CCDC40: variants seen among roughly 807,000 people sequenced by gnomAD.
CCDC40 encodes the protein coiled-coil domain 40 molecular ruler complex subunit, also known as coiled-coil domain-containing protein 40.
CCDC40 carries 104 observed loss-of-function variants against 124.5 expected under a neutral mutation model. The ratio of observed to expected loss-of-function variants is 0.84; its 90% CI spans 0.71 to 0.98. CCDC40 has a LOEUF of 0.98. Among genes scored for constraint, CCDC40 ranks in the 50% least tolerant of loss-of-function variants. The pLI, the probability that CCDC40 is intolerant of heterozygous loss-of-function variation, is 0.00. For synonymous variants in CCDC40, 580 were observed against 602.9 expected, an observed-to-expected ratio of 0.96 and a Z score of 0.56; for missense variants, 1,463 against 1,503.9, an observed-to-expected ratio of 0.97 and a Z score of 0.45.
chr17:80,091,302 TACACACAC>T (rs71163919), intron 17 of CCDC40, among the ~76,000 whole-genome samples: 28,224 of 139,482 alleles, frequency 0.2, 3,275 homozygotes, highest in African/African-American at 0.34. Flanking sequence ...ACCAGTAGAC[TACACACAC>T]ACACACACAC....
At chr17:80,055,896 C>T (rs1195285827) in intron 7 of CCDC40, among the ~76,000 whole-genome samples, 2 of 147,400 alleles carry the variant, frequency 1.4e-5, no homozygotes, top group African/African-American at 5.0e-5. Context: ...AGAGTAGCCT[C>T]GAACTCCCAG....
intron 10 of CCDC40, among the ~76,000 whole-genome samples, chr17:80,079,767 CAA>C (rs34238595): frequency 2.9e-4 from 39 of 136,662 alleles, no homozygotes; most frequent in East Asian, 8.6e-4. Flanking sequence ...ACTAAAAATA[CAA>C]AAAAAAAAAA....
intron 17 of CCDC40, chr17:80,090,520 C>T: frequency 6.6e-7 from 1 of 1,523,598 alleles, no homozygotes; most frequent in Non-Finnish European, 8.8e-7. Flanking sequence ...TGTTTTATTC[C>T]TACTCCATGT....
rs778928711 is a variant in CCDC40 at position 80,082,056 on chromosome 17, A to G, written c.1987A>G (p.Met663Val). 3 of 1,609,836 alleles carry G rather than the reference A, an allele frequency of 1.9e-6. No individual in the cohort carries two copies. Among genetic ancestry groups the G allele is most frequent in the Admixed American group, 3.3e-5 (2 of 59,766 alleles). The change falls in exon 12 of 20, where the codon ATG (methionine) becomes GTG (valine). Residue 663 changes from methionine to valine, a missense_variant and splice_region_variant. Met to Val is a conservative substitution (Grantham distance 21, BLOSUM62 1). Transcript: ENST00000397545. Reference protein sequence around the residue: ...ILRLQKEKTNMMTHLSKINGD... With the variant: ...ILRLQKEKTNVMTHLSKINGD... Reference sequence around the variant, plus strand: ...GAGGCTGCAGAAGGAGAAGACCAACATGGTAGGCCCCTGCCCCAGGGAGGG... The same window carrying G: ...GAGGCTGCAGAAGGAGAAGACCAACGTGGTAGGCCCCTGCCCCAGGGAGGG...
chr17:80,048,229 C>T lies in CCDC40; in HGVS notation c.677-354C>T, dbSNP rs1478236648. 3 of 343,116 alleles carry T rather than the reference C, an allele frequency of 8.7e-6. No individual in the cohort carries two copies. In the East Asian group the frequency reaches 2.2e-4, roughly 26 times the overall value. 21.3% of individuals were successfully genotyped at this position (343,116 alleles called of 1,614,324 possible). A position where few individuals can be genotyped will look rare whatever the true frequency, so the allele number is the denominator to read the frequency against. Reference sequence around the variant, plus strand: ...GAGCCGAGATCACGCCACTGCACTCCAGCCTGGGCAACAGAGCAAGACTCT... The same window carrying T: ...GAGCCGAGATCACGCCACTGCACTCTAGCCTGGGCAACAGAGCAAGACTCT... On this transcript the variant is annotated intron_variant, in intron 4 of 19. Transcript: ENST00000397545.
chr17:80,096,783 G>A (rs912507012), intron 18 of CCDC40, among the ~76,000 whole-genome samples: 8 of 152,198 alleles, frequency 5.3e-5, no homozygotes, highest in African/African-American at 7.2e-5. Flanking sequence ...CTGCCTGCCC[G>A]GCTTTTCTTT....
chr17:80,067,623 G>A lies in CCDC40; in HGVS notation c.1562+2017G>A, dbSNP rs774086399. 3.9e-6 allele frequency: 6 copies of A among 1,536,276 alleles called. No homozygotes were observed. In the South Asian group the frequency reaches 5.9e-5, roughly 15 times the overall value. On this transcript the variant is annotated intron_variant, in intron 10 of 19. Coordinates refer to ENST00000397545, the MANE Select transcript of CCDC40 (RefSeq NM_017950.4). Reference sequence around the variant, plus strand: ...AAGCTTCCTGCCCGGGGCATCGAGGGCGTTCGCGTCCGTCTGTTATGGCGG... The same window carrying A: ...AAGCTTCCTGCCCGGGGCATCGAGGACGTTCGCGTCCGTCTGTTATGGCGG...
intron 16 of CCDC40, 198 bp from the exon 17 acceptor site, chr17:80,089,566 T>G: frequency 5.5e-6 from 2 of 363,712 alleles, no homozygotes; most frequent in Non-Finnish European, 1.1e-5. Flanking sequence ...CCTCCCCCTG[T>G]ATGCCAGAGG....
chr17:80,083,356 C>T lies in CCDC40; in HGVS notation c.1989+1298C>T, dbSNP rs562869611. On this transcript the variant is annotated intron_variant, in intron 12 of 19. Coordinates refer to ENST00000397545, the MANE Select transcript of CCDC40 (RefSeq NM_017950.4). ...CAGGTGGGCAGGGTCTGGGTTCCAC[C>T]ACCTGGGGACATTGGGTCTCCTGGG... is the stretch of plus-strand genomic sequence containing the variant. Among the ~76,000 whole-genome samples the T allele has an allele frequency of 4.6e-5, 7 of 152,300 alleles. No individual in the cohort carries two copies. In the South Asian group the frequency reaches 1.4e-3, roughly 32 times the overall value.
In CCDC40 at chr17:80,085,982, T is replaced by C. The variant is rs950298808; in HGVS notation, c.2236-21T>C. On this transcript the variant is annotated intron_variant, in intron 13 of 19. Coordinates refer to ENST00000397545, the MANE Select transcript of CCDC40 (RefSeq NM_017950.4). ...ACTGCGCCCAGCCCTAATTTTGCTT[T>C]TTGATGAATATCCGGTCTAGGGGGA... 1.9e-6 allele frequency: 3 copies of C among 1,612,476 alleles called. No individual in the cohort carries two copies. In the African/African-American group the frequency reaches 4.0e-5, roughly 22 times the overall value.
chr17:80,037,699 A>ATATATATATATATATATG (rs2037149143), intron 1 of CCDC40, among the ~76,000 whole-genome samples: 2 of 123,646 alleles, frequency 1.6e-5, no homozygotes, highest in African/African-American at 6.2e-5. Context: ...AGATATACAT[A>ATATATATATATATATATG]TATATATATA....
At chr17:80,097,061 C>G (rs961291217) in intron 18 of CCDC40, among the ~76,000 whole-genome samples, 184 bp from the exon 19 acceptor site, 1 of 152,228 alleles carries the variant, frequency 6.6e-6, no homozygotes, top group African/African-American at 2.4e-5. Context: ...GAGCAGTGTG[C>G]AGTGTGGGCT....
chr17:80,078,158 C>T (rs1032039528), intron 10 of CCDC40, among the ~76,000 whole-genome samples: 10 of 151,796 alleles, frequency 6.6e-5, no homozygotes, highest in African/African-American at 1.9e-4. Context: ...GGTGAAACCC[C>T]ATCTCTACTA....
chr17:80,048,949 A>G (rs1319995767), intron 5 of CCDC40, among the ~76,000 whole-genome samples, 188 bp downstream of exon 5: 1 of 152,130 alleles, frequency 6.6e-6, no homozygotes, highest in Non-Finnish European at 1.5e-5. Flanking sequence ...TGAGGTTGGT[A>G]TAGGTGAGGC....
chr17:80,094,038 A>G (rs2038763199), intron 17 of CCDC40, among the ~76,000 whole-genome samples: 1 of 152,132 alleles, frequency 6.6e-6, no homozygotes, highest in Non-Finnish European at 1.5e-5. Flanking sequence ...CACCCTGCTT[A>G]TCTTCGGGAT....
intron 10 of CCDC40, among the ~76,000 whole-genome samples, chr17:80,071,831 C>CT (rs35874742): frequency 0.6 from 53,527 of 89,038 alleles, 17,144 homozygotes; most frequent in Non-Finnish European, 0.63. Context: ...GGTTTTTCAG[C>CT]TTTTTTTTTT....
chr17:80,064,907 AGGAAGCGG>A (rs2037997008), intron 9 of CCDC40, among the ~76,000 whole-genome samples: 1 of 151,274 alleles, frequency 6.6e-6, no homozygotes, highest in Non-Finnish European at 1.5e-5. Flanking sequence ...GCCTCCCTAC[AGGAAGCGG>A]TGCTGGGCCC....
chr17:80,094,618 C>A (rs1222412177), intron 17 of CCDC40, among the ~76,000 whole-genome samples: 2 of 152,100 alleles, frequency 1.3e-5, no homozygotes, highest in Non-Finnish European at 2.9e-5. Context: ...TCACTTGAAC[C>A]CGGGAGGCGA....
At chr17:80,096,293 A>G (rs1308992543) in intron 18 of CCDC40, among the ~76,000 whole-genome samples, 1 of 152,308 alleles carries the variant, frequency 6.6e-6, no homozygotes, top group East Asian at 1.9e-4. Flanking sequence ...GACCTGTGAA[A>G]TGGGTGCCCA....
Sources: allele counts gnomAD v4.1 joint callset (sites outside exome capture counted in the v4.1 genomes callset), GRCh38; gene constraint gnomAD v4.1.1; transcripts MANE v1.5; gene names NCBI Gene and HGNC (gene_info 2026-07-23, HGNC 2026-07-21).